The following SYNPR variants were observed in gnomAD, a reference collection of about 807,000 sequenced individuals.
SYNPR encodes synaptoporin.
A neutral mutation model predicts 32.9 loss-of-function variants in SYNPR; 23 were observed. That is an observed-to-expected ratio of 0.70 (90% CI 0.50 to 0.99). The LOEUF is 0.99. Ranked by LOEUF, SYNPR falls within the 50% of genes least tolerant of loss-of-function variation. SYNPR has a pLI of 0.00. For missense variants in SYNPR, 318 were observed against 349.3 expected (o/e 0.91, Z 0.71); for synonymous variants, 146 against 135.9 (o/e 1.07, Z -0.52).
chr3:63,517,557 T>C (rs764712333), intron 3 of SYNPR, among the ~76,000 whole-genome samples: 8 of 152,172 alleles, frequency 5.3e-5, no homozygotes, highest in Non-Finnish European at 1.0e-4. Flanking sequence ...TAAGCTTAAT[T>C]TTAACCAATT....
chr3:63,336,299 CA>C lies in SYNPR; in HGVS notation c.84+57559del, dbSNP rs2106992802. Among the ~76,000 whole-genome samples the C allele has an allele frequency of 2.0e-5, 3 of 151,750 alleles. No individual in the cohort carries two copies. The East Asian group carries it at 5.8e-4, about 30-fold the overall frequency. ...AGGATAGTACAGGGAAGAGATTATG[CA>C]ATGCATAAAAGGATCTCAAATATAC... On this transcript the variant is annotated intron_variant, in intron 2 of 5. Transcript: ENST00000478300.
At chr3:63,356,694 C>T (rs1399925985) in intron 2 of SYNPR, among the ~76,000 whole-genome samples, 5 of 152,164 alleles carry the variant, frequency 3.3e-5, no homozygotes, top group South Asian at 2.1e-4. Flanking sequence ...CTCACCTTTC[C>T]GGTCCCCATG....
the SYNPR span, among the ~76,000 whole-genome samples, chr3:63,219,884 GCA>G: frequency 6.6e-6 from 1 of 152,082 alleles, no homozygotes; most frequent in Non-Finnish European, 1.5e-5. Context: ...AGGGAGGTAG[GCA>G]CACTTGGTAT....
At chr3:63,487,847 C>A (rs967301812) in intron 3 of SYNPR, among the ~76,000 whole-genome samples, 3 of 152,172 alleles carry the variant, frequency 2.0e-5, no homozygotes, top group African/African-American at 7.2e-5. Context: ...TTAGTCTGAT[C>A]TTTGTAATCT....
chr3:63,416,930 A>G (rs2107125676), intron 2 of SYNPR, among the ~76,000 whole-genome samples: 1 of 152,280 alleles, frequency 6.6e-6, no homozygotes, highest in South Asian at 2.1e-4. Context: ...GACACAGCCA[A>G]ACCATCTAAT....
intron 2 of SYNPR, among the ~76,000 whole-genome samples, chr3:63,461,007 T>C (rs572714408): frequency 1.9e-4 from 29 of 152,008 alleles, no homozygotes; most frequent in African/African-American, 6.5e-4. Flanking sequence ...CTGAATGAGA[T>C]GATGGAAAGA....
chr3:63,335,584 A>AGAG (rs998141248), intron 2 of SYNPR, among the ~76,000 whole-genome samples: 1 of 152,004 alleles, frequency 6.6e-6, no homozygotes, highest in Non-Finnish European at 1.5e-5. Context: ...TGTTAACCTG[A>AGAG]GAGCTTCCTC....
intron 2 of SYNPR, among the ~76,000 whole-genome samples, chr3:63,320,468 A>G (rs1204873068): frequency 6.6e-6 from 1 of 152,040 alleles, no homozygotes; most frequent in Non-Finnish European, 1.5e-5. Context: ...TTAGTGGAAC[A>G]TTGTAAAGCC....
chr3:63,535,173 T>C (rs1702179720), intron 3 of SYNPR, among the ~76,000 whole-genome samples: 1 of 152,096 alleles, frequency 6.6e-6, no homozygotes, highest in Non-Finnish European at 1.5e-5. Context: ...ATACATACAA[T>C]TACAGATGTG....
intron 2 of SYNPR, among the ~76,000 whole-genome samples, chr3:63,287,512 T>A (rs1365155041): frequency 6.6e-6 from 1 of 152,102 alleles, no homozygotes; most frequent in Non-Finnish European, 1.5e-5. Context: ...AGAGCAGGGA[T>A]CTTGTTGGTC....
At chr3:63,511,633 T>C (rs1701701262) in intron 3 of SYNPR, among the ~76,000 whole-genome samples, 1 of 152,148 alleles carries the variant, frequency 6.6e-6, no homozygotes, top group Admixed American at 6.6e-5. Flanking sequence ...GTAAGTTCTT[T>C]GTCTCTCTGA....
chr3:63,411,986 T>A (rs994579786), intron 2 of SYNPR, among the ~76,000 whole-genome samples: 1 of 151,810 alleles, frequency 6.6e-6, no homozygotes, highest in African/African-American at 2.4e-5. Flanking sequence ...AAGGAGACAA[T>A]TGTGATAGTG....
intron 2 of SYNPR, among the ~76,000 whole-genome samples, chr3:63,321,006 C>T (rs1302369497): frequency 1.3e-5 from 2 of 151,858 alleles, no homozygotes; most frequent in African/African-American, 2.4e-5. Context: ...ATATGTATTC[C>T]AGAAAAATCA....
At chr3:63,405,248 A>G (rs1436308119) in intron 2 of SYNPR, among the ~76,000 whole-genome samples, 1 of 152,194 alleles carries the variant, frequency 6.6e-6, no homozygotes, top group Non-Finnish European at 1.5e-5. Flanking sequence ...TCAATGGGAA[A>G]ATAGTAAACC....
intron 2 of SYNPR, among the ~76,000 whole-genome samples, chr3:63,430,113 C>CTTTGGCACA (rs1699965917): frequency 6.6e-6 from 1 of 152,130 alleles, no homozygotes. Flanking sequence ...GAATCTGAAA[C>CTTTGGCACA]TTTGGCACAT....
intron 2 of SYNPR, among the ~76,000 whole-genome samples, chr3:63,254,533 A>C (rs1212587988): frequency 1.3e-5 from 2 of 152,202 alleles, no homozygotes; most frequent in African/African-American, 2.4e-5. Flanking sequence ...TTATGTATTT[A>C]GTGAAAATTT....
chr3:63,502,508 G>C lies in SYNPR; in HGVS notation c.209+21552G>C, dbSNP rs893737300. Among the ~76,000 whole-genome samples, 4 of 152,126 alleles carry C rather than the reference G, an allele frequency of 2.6e-5. 1 individual carries two copies. The highest frequency in any genetic ancestry group is 2.0e-4 in the Admixed American group (3 of 15,258). ...AATCACCACTATAGTACTATATGGA[G>C]TATTTTCACTGCTCTGAAAATCCAC... On this transcript the variant is annotated intron_variant, in intron 3 of 5. Transcript: ENST00000478300.
Position 63,362,909 on chromosome 3 carries a change from G to GGA in SYNPR, c.84+84171_84+84172dup, listed in dbSNP as rs1348530533. On this transcript the variant is annotated intron_variant, in intron 2 of 5. Coordinates refer to ENST00000478300, the MANE Select transcript of SYNPR (RefSeq NM_001130003.2). ...GACATATAATAAGAAAAAATTTCAT[G>GGA]GAGAGCAAAAACCATTATCTAAATG... Among the ~76,000 whole-genome samples the GGA allele has an allele frequency of 8.5e-5, 13 of 152,210 alleles. No individual in the cohort carries two copies. In the East Asian group the frequency reaches 2.5e-3, roughly 29 times the overall value.
At chr3:63,422,822 C>A (rs1478224687) in intron 2 of SYNPR, among the ~76,000 whole-genome samples, 1 of 151,772 alleles carries the variant, frequency 6.6e-6, no homozygotes, top group Admixed American at 6.6e-5. Flanking sequence ...AGAAACTCAC[C>A]CATTTCCACC....
Sources: allele counts gnomAD v4.1 joint callset (sites outside exome capture counted in the v4.1 genomes callset), GRCh38; gene constraint gnomAD v4.1.1; transcripts MANE v1.5; gene names NCBI Gene and HGNC (gene_info 2026-07-23, HGNC 2026-07-21).